The following CDC42BPA variants were observed in gnomAD, a reference collection of about 807,000 sequenced individuals.
CDC42BPA encodes the protein serine/threonine-protein kinase MRCK alpha.
A neutral mutation model predicts 223.5 loss-of-function variants in CDC42BPA; 80 were observed. The ratio of observed to expected loss-of-function variants is 0.36; its 90% CI spans 0.30 to 0.43. The LOEUF is 0.43. Ranked by LOEUF, CDC42BPA falls within the 20% of genes least tolerant of loss-of-function variation. CDC42BPA has a pLI of 1.00. For synonymous variants in CDC42BPA, 694 were observed against 718.6 expected (o/e 0.97, Z 0.55); for missense variants, 1,743 against 2,099.9 (o/e 0.83, Z 3.32).
intron 5 of CDC42BPA, among the ~76,000 whole-genome samples, chr1:227,191,987 T>C (rs1285941862): frequency 6.7e-6 from 1 of 148,198 alleles, no homozygotes; most frequent in Non-Finnish European, 1.5e-5. Context: ...AAAAACTGCA[T>C]TGTACAATTT....
chr1:227,124,843 A>G (rs924361655), intron 11 of CDC42BPA, among the ~76,000 whole-genome samples: 2 of 152,098 alleles, frequency 1.3e-5, no homozygotes, highest in African/African-American at 4.8e-5. Context: ...GGAGACTTCA[A>G]GTTCTGGGAA....
intron 4 of CDC42BPA, among the ~76,000 whole-genome samples, chr1:227,198,081 T>C (rs1292791889): frequency 6.6e-6 from 1 of 152,170 alleles, no homozygotes; most frequent in Non-Finnish European, 1.5e-5. Context: ...AAAAGAAATG[T>C]GTCATGAGAC....
In CDC42BPA at chr1:227,312,775, T is replaced by C. The variant is rs188511156; in HGVS notation, c.178+4230A>G. Among the ~76,000 whole-genome samples, 14 of 145,570 alleles carry C rather than the reference T, an allele frequency of 9.6e-5. 1 individual carries two copies. The East Asian group carries it at 2.9e-3, about 30-fold the overall frequency. ...GACCTGGCGGGAGGTGACTGGATCA[T>C]GGGGGCAGACTTCCCCTTTGTGTTG... On this transcript the variant is annotated intron_variant, in intron 1 of 36. Coordinates refer to ENST00000366766, the MANE Select transcript of CDC42BPA (RefSeq NM_001394014.1).
rs1042354639 is a variant in CDC42BPA, at chr1:227,317,664, AAAAC to A, written c.-486_-483del. The A allele has an allele frequency of 2.5e-6, 1 of 398,404 alleles. No individual in the cohort carries two copies. Among genetic ancestry groups the A allele is most frequent in the African/African-American group, 2.1e-5 (1 of 48,586 alleles). The allele number at this position is 398,404 out of a possible 1,614,324, so 24.7% of individuals were successfully genotyped here. A position where few individuals can be genotyped will look rare whatever the true frequency, so the allele number is the denominator to read the frequency against. ...GAAGAAAAACAGAAAAGGGAGGAAAAAAACAGAATGCATAGAAGGGGGAGGGAAA... is the reference window on the plus strand; with the variant it reads ...GAAGAAAAACAGAAAAGGGAGGAAAAAGAATGCATAGAAGGGGGAGGGAAA... On this transcript the variant is annotated 5_prime_UTR_variant, in exon 1 of 37. It introduces an in-frame stop codon into an upstream open reading frame of the 5' UTR. Transcript: ENST00000366766.
At chr1:227,091,189 G>T (rs752289879) in intron 16 of CDC42BPA, among the ~76,000 whole-genome samples, 1 of 152,054 alleles carries the variant, frequency 6.6e-6, no homozygotes, top group Non-Finnish European at 1.5e-5. Context: ...CATCCGTGAC[G>T]GGGTAAACGA....
chr1:227,144,574 C>CAAAAAAAAAAAAAAAAAA (rs57568297), intron 8 of CDC42BPA, among the ~76,000 whole-genome samples: 3 of 63,476 alleles, frequency 4.7e-5, no homozygotes, highest in Non-Finnish European at 5.4e-5. Flanking sequence ...GACTCTGTCT[C>CAAAAAAAAAAAAAAAAAA]AAAAAAAAAA....
intron 14 of CDC42BPA, among the ~76,000 whole-genome samples, chr1:227,108,957 T>C (rs1200045665): frequency 6.6e-6 from 1 of 152,100 alleles, no homozygotes; most frequent in Non-Finnish European, 1.5e-5. Flanking sequence ...CAGGGAACTG[T>C]AACACAACAG....
At position 227,302,693 on chromosome 1, in the gene CDC42BPA, A is replaced by AT. The variant is rs535058471; in HGVS notation, c.178+14311dup. Reference sequence around the variant, plus strand: ...TCTACAACATTTTCTTGTATTGATGATTTTTTTCCCCCTCTGTTCTTTCAA... The same window carrying AT: ...TCTACAACATTTTCTTGTATTGATGATTTTTTTTCCCCCTCTGTTCTTTCAA... On this transcript the variant is annotated intron_variant, in intron 1 of 36. Transcript: ENST00000366766. Among the ~76,000 whole-genome samples, 154 of 151,960 alleles carry AT rather than the reference A, an allele frequency of 1.0e-3. 1 individual carries two copies. The highest frequency in any genetic ancestry group is 3.7e-3 in the African/African-American group (152 of 41,432).
At chr1:227,188,594 T>A (rs1669216411) in intron 5 of CDC42BPA, among the ~76,000 whole-genome samples, 1 of 152,148 alleles carries the variant, frequency 6.6e-6, no homozygotes, top group Admixed American at 6.5e-5. Flanking sequence ...GAGAAGCCAA[T>A]CTGAAAAGTC....
At chr1:227,273,262 C>T (rs758808152) in intron 1 of CDC42BPA, among the ~76,000 whole-genome samples, 2 of 151,128 alleles carry the variant, frequency 1.3e-5, no homozygotes, top group Non-Finnish European at 2.9e-5. Flanking sequence ...TGCACCACTG[C>T]ACTCCAGCCT....
intron 1 of CDC42BPA, among the ~76,000 whole-genome samples, chr1:227,296,131 TC>T (rs1690594570): frequency 6.6e-6 from 1 of 152,028 alleles, no homozygotes; most frequent in African/African-American, 2.4e-5. Flanking sequence ...ACTATAGCAA[TC>T]CAGGCTGTAT....
chr1:227,277,260 TAATA>T (rs1341594982), intron 1 of CDC42BPA, among the ~76,000 whole-genome samples: 1 of 149,020 alleles, frequency 6.7e-6, no homozygotes, highest in African/African-American at 2.6e-5. Flanking sequence ...ATCCTATCTC[TAATA>T]AAGAAATTGA....
Position 227,317,096 on chromosome 1 carries a change from C to T in CDC42BPA, c.87G>A (p.Glu29=). 1 of 1,614,068 alleles carries T rather than the reference C, an allele frequency of 6.2e-7. No homozygotes were observed. The highest frequency in any genetic ancestry group is 8.5e-7 in the Non-Finnish European group (1 of 1,179,934). The part of the protein sequence containing the change: ...AQTNGQCFSV[E]TLLDILICLY... ...GGCAGATGAGTATATCCAGTAATGTCTCCACACTGAAGCACTGCCCATTGG... is the reference window on the plus strand; with the variant it reads ...GGCAGATGAGTATATCCAGTAATGTTTCCACACTGAAGCACTGCCCATTGG... The change falls in exon 1 of 37, where the codon GAG becomes GAA. Residue 29 remains glutamate, a synonymous_variant. Coordinates refer to ENST00000366766, the MANE Select transcript of CDC42BPA (RefSeq NM_001394014.1).
intron 1 of CDC42BPA, among the ~76,000 whole-genome samples, chr1:227,275,675 G>A (rs189931802): frequency 0.032 from 4,494 of 141,228 alleles, 200 homozygotes; most frequent in African/African-American, 0.11. Flanking sequence ...CTGTACTGCC[G>A]CCATCTCGGC....
chr1:227,128,161 T>C (rs1442998338), intron 11 of CDC42BPA, among the ~76,000 whole-genome samples: 2 of 152,208 alleles, frequency 1.3e-5, no homozygotes, highest in African/African-American at 2.4e-5. Context: ...CAGTACTCTC[T>C]GTTTTACTTG....
chr1:227,265,617 C>T (rs1230741220), intron 1 of CDC42BPA, among the ~76,000 whole-genome samples: 4 of 146,834 alleles, frequency 2.7e-5, no homozygotes, highest in African/African-American at 7.6e-5. Flanking sequence ...GACGACAGAG[C>T]GAGACTCCGT....
At chr1:227,012,807 AATAG>A (rs1326711033) in intron 34 of CDC42BPA, among the ~76,000 whole-genome samples, 1 of 152,156 alleles carries the variant, frequency 6.6e-6, no homozygotes, top group Non-Finnish European at 1.5e-5. Flanking sequence ...CAAGCTTTTC[AATAG>A]ATACATACAC....
chr1:227,252,722 A>G (rs1682236511), intron 2 of CDC42BPA, among the ~76,000 whole-genome samples: 1 of 151,974 alleles, frequency 6.6e-6, no homozygotes, highest in Non-Finnish European at 1.5e-5. Flanking sequence ...AGGAATGCAA[A>G]GATTGTTTAA....
At chr1:227,089,630 T>A (rs1682684722) in intron 16 of CDC42BPA, among the ~76,000 whole-genome samples, 1 of 83,784 alleles carries the variant, frequency 1.2e-5, no homozygotes, top group South Asian at 4.8e-4. Context: ...TAATTCCGTT[T>A]TTTTTTTTTT....
Sources: allele counts gnomAD v4.1 joint callset (sites outside exome capture counted in the v4.1 genomes callset), GRCh38; gene constraint gnomAD v4.1.1; transcripts MANE v1.5; gene names NCBI Gene and HGNC (gene_info 2026-07-23, HGNC 2026-07-21).